Variants in MOB3A observed in about 807,000 individuals in gnomAD.
The protein encoded by MOB3A is MOB LAK.
MOB3A carries 17 observed loss-of-function variants against 17.8 expected under a neutral mutation model. The observed-to-expected ratio is 0.95, with a 90% CI of 0.65 to 1.43. MOB3A has a LOEUF of 1.43. Among genes scored for constraint, MOB3A ranks in the 40% most tolerant of loss-of-function variants. The pLI, the probability that MOB3A is intolerant of heterozygous loss-of-function variation, is 0.00. For synonymous variants in MOB3A, 124 were observed against 133.2 expected, an observed-to-expected ratio of 0.93 and a Z score of 0.48; for missense variants, 333 against 310.8, an observed-to-expected ratio of 1.07 and a Z score of -0.54.
At chr19:2,095,606 G>T (rs1368423268) in intron 1 of MOB3A, among the ~76,000 whole-genome samples, 2 of 152,192 alleles carry the variant, frequency 1.3e-5, no homozygotes, top group Non-Finnish European at 2.9e-5. Flanking sequence ...CCCGCACCCT[G>T]TATCCCCCTC....
chr19:2,087,301 C>T (rs569389966), intron 1 of MOB3A, among the ~76,000 whole-genome samples: 23 of 152,368 alleles, frequency 1.5e-4, no homozygotes, highest in South Asian at 1.0e-3. Context: ...ACTCCTGGCA[C>T]GTTTGGCGTT....
intron 2 of MOB3A, among the ~76,000 whole-genome samples, chr19:2,080,356 A>G (rs1446218945): frequency 6.6e-6 from 1 of 150,696 alleles, no homozygotes; most frequent in African/African-American, 2.4e-5. Context: ...CACATTCATC[A>G]CGTTCTAGTA....
rs1321593466 is a variant in MOB3A at position 2,078,295 on chromosome 19, G to A, written c.266C>T (p.Pro89Leu). 7 of 1,614,118 alleles carry A rather than the reference G, an allele frequency of 4.3e-6. No individual in the cohort carries two copies. The highest frequency in any genetic ancestry group is 5.1e-6 in the Non-Finnish European group (6 of 1,180,020). ...ATACTTGGGGCCCCCCGACATGACGGGGCAGGACTGCTCCGTGCAGCCGTC... is the reference window on the plus strand; with the variant it reads ...ATACTTGGGGCCCCCCGACATGACGAGGCAGGACTGCTCCGTGCAGCCGTC... Reference protein sequence around the residue: ...ISDGCTEQSCPVMSGGPKYEY... With the variant: ...ISDGCTEQSCLVMSGGPKYEY... The change falls in exon 3 of 5, where the codon CCC becomes CTC. Residue 89 changes from proline to leucine, a missense_variant. Coordinates refer to ENST00000357066, the MANE Select transcript of MOB3A (RefSeq NM_130807.3).
chr19:2,087,166 A>G (rs529852386), intron 1 of MOB3A, among the ~76,000 whole-genome samples: 4 of 152,356 alleles, frequency 2.6e-5, no homozygotes, highest in Non-Finnish European at 4.4e-5. Flanking sequence ...GCCAGGTGCT[A>G]TCGAGGGCTT....
intron 2 of MOB3A, among the ~76,000 whole-genome samples, chr19:2,083,752 T>C (rs2017518896): frequency 6.6e-6 from 1 of 152,226 alleles, no homozygotes; most frequent in African/African-American, 2.4e-5. Context: ...TGCTGCCGTT[T>C]GTTGATTTCA....
Position 2,082,554 on chromosome 19 carries a change from G to A in MOB3A, c.-120+2621C>T, listed in dbSNP as rs949438966. Among the ~76,000 whole-genome samples the A allele has an allele frequency of 6.6e-6, 1 of 152,142 alleles. No homozygotes were observed. The highest frequency in any genetic ancestry group is 1.5e-5 in the Non-Finnish European group (1 of 68,028). ...TCTGTGGGTGGATCGGCCGGGTCTC[G>A]AACCCTGGACTCTGTGGGTGAAGCC... On this transcript the variant is annotated intron_variant, in intron 2 of 4. Transcript: ENST00000357066. This position sits in a 1 kb window ranked among gnomAD's most constrained non-coding sequence, Gnocchi z 4.1.
intron 2 of MOB3A, among the ~76,000 whole-genome samples, chr19:2,081,795 A>G (rs1276672773): frequency 2.0e-5 from 3 of 152,086 alleles, no homozygotes; most frequent in Non-Finnish European, 2.9e-5. Flanking sequence ...GAGGCAGGAG[A>G]ATCGCTTGAA....
intron 2 of MOB3A, among the ~76,000 whole-genome samples, chr19:2,080,352 C>A (rs1283996307): frequency 6.6e-6 from 1 of 152,024 alleles, no homozygotes. Context: ...AACACACATT[C>A]ATCACGTTCT....
chr19:2,078,510 G>T lies in MOB3A; in HGVS notation c.51C>A (p.Arg17=), dbSNP rs772543572. The change falls in exon 3 of 5, where the codon CGC becomes CGA. Residue 17 remains arginine, a synonymous_variant. Transcript: ENST00000357066. ...KQVFNKDKTF[R]PKRKFEPGTQ... is the part of the protein sequence containing the mutation. The stretch of plus-strand genomic sequence containing the variant: ...TGCCTGGCTCAAACTTGCGCTTGGG[G>T]CGGAATGTCTTGTCCTTGTTGAAGA... 6.2e-7 allele frequency: 1 copy of T among 1,604,222 alleles called. No homozygotes were observed. Among genetic ancestry groups the T allele is most frequent in the South Asian group, 1.1e-5 (1 of 90,256 alleles).
At position 2,078,672 on chromosome 19, in the gene MOB3A, C is replaced by A; in HGVS notation, c.-112G>T. 9.2e-7 allele frequency: 1 copy of A among 1,086,652 alleles called. No individual in the cohort carries two copies. Among genetic ancestry groups the A allele is most frequent in the East Asian group, 2.4e-5 (1 of 40,876 alleles). 67.3% of individuals were successfully genotyped at this position (1,086,652 alleles called of 1,614,324 possible). ...ACACTCACCAAGCCCCACAGCTCTC[C>A]CGCGGACCTGAAATACACAGGGGAA... On this transcript the variant is annotated 5_prime_UTR_variant, in exon 3 of 5. Coordinates refer to ENST00000357066, the MANE Select transcript of MOB3A (RefSeq NM_130807.3).
chr19:2,073,078 T>G lies in MOB3A; in HGVS notation c.*317A>C. The G allele has an allele frequency of 4.7e-6, 2 of 424,302 alleles. No individual in the cohort carries two copies. The highest frequency in any genetic ancestry group is 4.1e-5 in the East Asian group (1 of 24,278). The allele number at this position is 424,302 out of a possible 1,614,324, so 26.3% of individuals were successfully genotyped here. A position where few individuals can be genotyped will look rare whatever the true frequency, so the allele number is the denominator to read the frequency against. On this transcript the variant is annotated 3_prime_UTR_variant, in exon 5 of 5. Coordinates refer to ENST00000357066, the MANE Select transcript of MOB3A (RefSeq NM_130807.3). ...CCTGGGAGCCACCCAGGGCAAGGAG[T>G]GACCCTGGAAGCCATCCAGCCTCCT...
chr19:2,092,896 T>C (rs951562811), intron 1 of MOB3A, among the ~76,000 whole-genome samples: 2 of 152,104 alleles, frequency 1.3e-5, no homozygotes, highest in Non-Finnish European at 1.5e-5. Context: ...AGCCACCCAC[T>C]GTGTGTTCCA....
chr19:2,083,004 T>G (rs970915990), intron 2 of MOB3A, among the ~76,000 whole-genome samples: 12 of 151,814 alleles, frequency 7.9e-5, no homozygotes, highest in East Asian at 5.8e-4. Context: ...CAGTTAATTT[T>G]TTGTTGTTGT....
intron 2 of MOB3A, among the ~76,000 whole-genome samples, chr19:2,083,054 CT>C (rs1350577382): frequency 6.6e-6 from 1 of 152,186 alleles, no homozygotes; most frequent in African/African-American, 2.4e-5. Flanking sequence ...ACTATGTTGC[CT>C]AGGCTGGTCT....
intron 2 of MOB3A, among the ~76,000 whole-genome samples, chr19:2,081,031 C>A (rs542169134): frequency 1.3e-5 from 2 of 152,014 alleles, no homozygotes; most frequent in Non-Finnish European, 2.9e-5. Flanking sequence ...AATCCCAGAA[C>A]TGAGGTGGGA....
chr19:2,085,015 T>C (rs557707393), intron 2 of MOB3A, among the ~76,000 whole-genome samples, 160 bp downstream of exon 2: 96 of 152,226 alleles, frequency 6.3e-4, no homozygotes, highest in Non-Finnish European at 1.2e-3. Flanking sequence ...TGAGCCACCA[T>C]GTCCGGCCCG....
intron 1 of MOB3A, among the ~76,000 whole-genome samples, chr19:2,087,022 G>A (rs192761508): frequency 5.9e-4 from 89 of 152,026 alleles, no homozygotes; most frequent in Non-Finnish European, 1.1e-3. Context: ...AGCTTCTGGA[G>A]TCAAGCGATC....
Position 2,076,924 on chromosome 19 carries a change from A to C in MOB3A, c.511T>G (p.Phe171Val). Residue 171 changes from phenylalanine (F) to valine (V), a missense_variant, in exon 4 of 5, where the codon TTT becomes GTT. Physicochemically the swap from Phe to Val is conservative, Grantham distance 50. Coordinates refer to ENST00000357066, the MANE Select transcript of MOB3A (RefSeq NM_130807.3). ...RVFVHVYIHH[F>V]DRIAQMGSEA... ...GAGCCCATCTGCGCGATGCGGTCAAAGTGGTGGATGTAGACGTGCACGAAC... is the reference window on the plus strand; with the variant it reads ...GAGCCCATCTGCGCGATGCGGTCAACGTGGTGGATGTAGACGTGCACGAAC... 5 of 1,614,030 alleles carry C rather than the reference A, an allele frequency of 3.1e-6. No individual in the cohort carries two copies. The highest frequency in any genetic ancestry group is 4.2e-6 in the Non-Finnish European group (5 of 1,180,032).
In MOB3A at chr19:2,087,465, C is replaced by A. The variant is rs756893983; in HGVS notation, c.-273-2137G>T. ...GCCAGGAGCTCAAGACCAGCCTGGG[C>A]AACATAGTGAGACCCATCTCTGTAC... On this transcript the variant is annotated intron_variant, in intron 1 of 4. Coordinates refer to ENST00000357066, the MANE Select transcript of MOB3A (RefSeq NM_130807.3). Among the ~76,000 whole-genome samples, 107 of 152,310 alleles carry A rather than the reference C, an allele frequency of 7.0e-4. 1 individual carries two copies. Among genetic ancestry groups the A allele is most frequent in the Non-Finnish European group, 1.5e-3 (100 of 68,034 alleles).
Sources: allele counts gnomAD v4.1 joint callset (sites outside exome capture counted in the v4.1 genomes callset), GRCh38; gene constraint gnomAD v4.1.1; non-coding constraint Gnocchi (gnomAD v3.1); transcripts MANE v1.5; gene names NCBI Gene and HGNC (gene_info 2026-07-23, HGNC 2026-07-21).